Variants in IGF1R observed in about 807,000 individuals in gnomAD.
IGF1R encodes the protein insulin like growth factor 1 receptor, also known as insulin-like growth factor 1 receptor.
In IGF1R, 44 loss-of-function variants were observed where a neutral mutation model predicts 144.6. The observed-to-expected ratio is 0.30, with a 90% CI of 0.24 to 0.39. IGF1R has a LOEUF of 0.39. Among genes scored for constraint, IGF1R ranks in the 10% least tolerant of loss-of-function variants. The probability of loss-of-function intolerance (pLI) is 1.00; values close to 1 mark genes in which losing one functional copy is unlikely to be tolerated. For synonymous variants in IGF1R, 795 were observed against 722.8 expected (o/e 1.10, Z -1.60); for missense variants, 1,355 against 1,833.7 (o/e 0.74, Z 4.77).
intron 2 of IGF1R, among the ~76,000 whole-genome samples, chr15:98,840,911 C>T (rs1054760325): frequency 6.6e-6 from 1 of 152,086 alleles, no homozygotes; most frequent in African/African-American, 2.4e-5. Context: ...AAACTCCTGA[C>T]CTCAGGTGAT....
intron 20 of IGF1R, 91 bp downstream of exon 20, chr15:98,948,799 A>T: frequency 6.9e-7 from 1 of 1,452,724 alleles, no homozygotes; most frequent in Non-Finnish European, 9.6e-7. Context: ...GATTAAAGCC[A>T]TTCTCTCTGG....
intron 2 of IGF1R, among the ~76,000 whole-genome samples, chr15:98,811,055 C>T (rs899508611): frequency 6.6e-6 from 1 of 151,794 alleles, no homozygotes; most frequent in Non-Finnish European, 1.5e-5. Flanking sequence ...AATCCCAGCA[C>T]TTTGAGAGGC....
At chr15:98,934,082 T>G (rs543940512) in intron 15 of IGF1R, among the ~76,000 whole-genome samples, 5 of 152,162 alleles carry the variant, frequency 3.3e-5, no homozygotes, top group African/African-American at 1.2e-4. Flanking sequence ...CATTTTAACA[T>G]GGAGTCAGTA....
At chr15:98,692,773 TAGTG>T in intron 1 of IGF1R, among the ~76,000 whole-genome samples, 1 of 152,244 alleles carries the variant, frequency 6.6e-6, no homozygotes, top group Admixed American at 6.5e-5. Context: ...AAAATGGAGT[TAGTG>T]AGAGTCTGTT....
intron 6 of IGF1R, 120 bp from the exon 7 acceptor site, chr15:98,911,195 C>T (rs2014999754): frequency 8.9e-7 from 1 of 1,128,654 alleles, no homozygotes; most frequent in Non-Finnish European, 1.3e-6. Flanking sequence ...TGAGGAAGCC[C>T]AGAAGGGAAC....
At chr15:98,675,624 T>C (rs1483310673) in intron 1 of IGF1R, among the ~76,000 whole-genome samples, 1 of 152,196 alleles carries the variant, frequency 6.6e-6, no homozygotes, top group Non-Finnish European at 1.5e-5. Flanking sequence ...AAGTTTATAC[T>C]CAAGTCAAAA....
At chr15:98,804,086 G>A (rs992079224) in intron 2 of IGF1R, among the ~76,000 whole-genome samples, 5 of 152,120 alleles carry the variant, frequency 3.3e-5, no homozygotes, top group East Asian at 1.9e-4. Context: ...GACCACTATC[G>A]TATATGCACT....
intron 4 of IGF1R, 150 bp from the exon 5 acceptor site, chr15:98,899,327 G>A (rs745967136): frequency 3.8e-6 from 3 of 783,306 alleles, no homozygotes; most frequent in Non-Finnish European, 6.4e-6. Flanking sequence ...CCAGGGAAGT[G>A]TGTTTTTGTC....
intron 1 of IGF1R, among the ~76,000 whole-genome samples, chr15:98,680,157 A>G (rs957335820): frequency 6.6e-6 from 1 of 152,210 alleles, no homozygotes; most frequent in African/African-American, 2.4e-5. Context: ...ACAGTAGTGT[A>G]CAGTAATGTC....
intron 2 of IGF1R, among the ~76,000 whole-genome samples, chr15:98,810,795 G>T (rs959593090): frequency 6.4e-4 from 97 of 151,612 alleles, no homozygotes; most frequent in African/African-American, 2.3e-3. Flanking sequence ...TGATCCGCCC[G>T]CCTCGGCCTC....
At position 98,916,003 on chromosome 15, in the gene IGF1R, C is replaced by G. The variant is rs886051560; in HGVS notation, c.1868C>G (p.Ser623Cys). The change falls in exon 9 of 21, where the codon TCC becomes TGC. Residue 623 changes from serine (S) to cysteine (C), a missense_variant. Ser to Cys is a moderately radical substitution (Grantham distance 112, BLOSUM62 -1). Around this residue, in one of 7 missense-constraint regions of IGF1R, gnomAD observed 880 missense variants for 1,202.7 expected, o/e 0.73. Transcript: ENST00000650285. The part of the protein sequence containing the change: ...IPLDVLSASN[S>C]SSQLIVKWNP... Reference sequence around the variant, plus strand: ...TTGGACGTTCTTTCAGCATCGAACTCCTCTTCTCAGTTAATCGTGAAGTGG... The same window carrying G: ...TTGGACGTTCTTTCAGCATCGAACTGCTCTTCTCAGTTAATCGTGAAGTGG... 2 of 1,614,060 alleles carry G rather than the reference C, an allele frequency of 1.2e-6. No individual in the cohort carries two copies. Among genetic ancestry groups the G allele is most frequent in the Non-Finnish European group, 1.7e-6 (2 of 1,180,028 alleles).
intron 6 of IGF1R, 99 bp downstream of exon 6, chr15:98,908,998 G>C: frequency 4.8e-6 from 5 of 1,052,358 alleles, no homozygotes; most frequent in Non-Finnish European, 7.2e-6. Context: ...GGCCCCTCCT[G>C]GTTTCACATG....
intron 2 of IGF1R, among the ~76,000 whole-genome samples, chr15:98,837,989 C>G (rs2141522349): frequency 6.6e-6 from 1 of 152,254 alleles, no homozygotes; most frequent in East Asian, 1.9e-4. Context: ...GCTTGCAAAG[C>G]CCATTTGAGA....
At chr15:98,666,421 A>G (rs955668904) in intron 1 of IGF1R, among the ~76,000 whole-genome samples, 2 of 152,188 alleles carry the variant, frequency 1.3e-5, no homozygotes, top group Non-Finnish European at 1.5e-5. Flanking sequence ...TCGAACAGAT[A>G]TTTGTACACC....
intron 1 of IGF1R, among the ~76,000 whole-genome samples, chr15:98,672,233 C>T (rs1039165379): frequency 6.6e-6 from 1 of 152,144 alleles, no homozygotes; most frequent in Admixed American, 6.5e-5. Context: ...GATGGACTGG[C>T]AGCCTTCACA....
intron 2 of IGF1R, among the ~76,000 whole-genome samples, chr15:98,757,144 A>G (rs1291037763): frequency 6.6e-6 from 1 of 152,114 alleles, no homozygotes; most frequent in Non-Finnish European, 1.5e-5. Context: ...TGTCAAATTG[A>G]CAGTTAATGA....
intron 2 of IGF1R, among the ~76,000 whole-genome samples, chr15:98,733,811 C>A (rs536784800): frequency 2.0e-5 from 3 of 152,266 alleles, no homozygotes; most frequent in Non-Finnish European, 4.4e-5. Context: ...AAGCTGTCTT[C>A]GGGAGGCAAA....
intron 1 of IGF1R, among the ~76,000 whole-genome samples, chr15:98,665,273 A>G (rs1198057910): frequency 6.6e-6 from 1 of 152,080 alleles, no homozygotes; most frequent in Non-Finnish European, 1.5e-5. Context: ...CATTTCTTGT[A>G]AAGAGAGTTT....
chr15:98,919,698 A>C (rs1436587962), intron 10 of IGF1R, among the ~76,000 whole-genome samples: 1 of 152,156 alleles, frequency 6.6e-6, no homozygotes, highest in Admixed American at 6.5e-5. Flanking sequence ...TCATGGATGT[A>C]TATGAAGACA....
Sources: allele counts gnomAD v4.1 joint callset (sites outside exome capture counted in the v4.1 genomes callset), GRCh38; gene constraint gnomAD v4.1.1; regional missense constraint gnomAD v4.1.1; transcripts MANE v1.5; gene names NCBI Gene and HGNC (gene_info 2026-07-23, HGNC 2026-07-21).